KIF26B: variants seen among roughly 807,000 people sequenced by gnomAD.
KIF26B encodes the protein kinesin-like protein KIF26B.
Under a neutral mutation model 151.2 loss-of-function variants are expected in KIF26B, and 63 were observed. The observed-to-expected ratio is 0.42, with a 90% CI of 0.34 to 0.51. KIF26B has a LOEUF of 0.51. Ranked by LOEUF, KIF26B falls within the 20% of genes least tolerant of loss-of-function variation. The pLI is 0.07. For synonymous variants in KIF26B, 1,357 were observed against 1,262.1 expected (o/e 1.08, Z -1.59); for missense variants, 2,813 against 2,913.6 (o/e 0.97, Z 0.79).
intron 5 of KIF26B, among the ~76,000 whole-genome samples, chr1:245,546,630 C>A (rs1661748044): frequency 6.6e-6 from 1 of 152,214 alleles, no homozygotes; most frequent in Non-Finnish European, 1.5e-5. Context: ...AATTCTGGAT[C>A]CCACTGGATC....
At position 245,333,994 on chromosome 1, in the gene KIF26B, G is replaced by T. The variant is rs144264814; in HGVS notation, c.466-32840G>T. On this transcript the variant is annotated intron_variant, in intron 2 of 14. Coordinates refer to ENST00000407071, the MANE Select transcript of KIF26B (RefSeq NM_018012.4). Reference sequence around the variant, plus strand: ...AGCCTGGGCGACGGAGTGAGACTCCGTGTCAAAAAAAAAAAAATCTCCTCT... The same window carrying T: ...AGCCTGGGCGACGGAGTGAGACTCCTTGTCAAAAAAAAAAAAATCTCCTCT... Among the ~76,000 whole-genome samples the T allele has an allele frequency of 6.2e-4, 94 of 151,460 alleles. 1 individual carries two copies. Among genetic ancestry groups the T allele is most frequent in the African/African-American group, 2.2e-3 (89 of 41,222 alleles).
intron 2 of KIF26B, among the ~76,000 whole-genome samples, chr1:245,326,929 T>G (rs1572005229): frequency 6.6e-6 from 1 of 152,236 alleles, no homozygotes; most frequent in Admixed American, 6.5e-5. Context: ...TCTTCTTGCC[T>G]TCACATCCAT....
intron 9 of KIF26B, among the ~76,000 whole-genome samples, chr1:245,644,484 A>G (rs2043925778): frequency 6.6e-6 from 1 of 152,174 alleles, no homozygotes; most frequent in Non-Finnish European, 1.5e-5. Context: ...TCTCTTCATT[A>G]TGGGTTTCAT....
intron 10 of KIF26B, among the ~76,000 whole-genome samples, chr1:245,683,230 C>T (rs2044463211): frequency 6.6e-6 from 1 of 152,146 alleles, no homozygotes; most frequent in African/African-American, 2.4e-5. Context: ...GGTGATGAGA[C>T]ATGGACATGG....
At chr1:245,401,062 G>A (rs1325187066) in intron 3 of KIF26B, among the ~76,000 whole-genome samples, 1 of 152,136 alleles carries the variant, frequency 6.6e-6, no homozygotes, top group African/African-American at 2.4e-5. Context: ...CAAGTTCCCA[G>A]TTGAGATGAG....
chr1:245,295,901 C>T (rs1002366020), intron 2 of KIF26B, among the ~76,000 whole-genome samples: 2 of 152,258 alleles, frequency 1.3e-5, no homozygotes, highest in Non-Finnish European at 2.9e-5. Flanking sequence ...CCTGAATGGG[C>T]GTGAAACTGT....
chr1:245,195,362 C>G (rs931761251), intron 2 of KIF26B, among the ~76,000 whole-genome samples: 7 of 152,176 alleles, frequency 4.6e-5, no homozygotes, highest in African/African-American at 1.7e-4. Context: ...TGTTGCGCCT[C>G]AGTTCCACCG....
chr1:245,282,876 G>T, intron 2 of KIF26B: 1 of 255,378 alleles, frequency 3.9e-6, no homozygotes. Context: ...CTTATTGGCA[G>T]TCGGGCATAC....
At chr1:245,191,059 CAAAAAAAAAAAAAAA>C (rs55993346) in intron 2 of KIF26B, among the ~76,000 whole-genome samples, 1 of 52,054 alleles carries the variant, frequency 1.9e-5, no homozygotes, top group Admixed American at 3.7e-4. Context: ...GACTCTGTCT[CAAAAAAAAAAAAAAA>C]AAAAAAAAAA....
chr1:245,443,522 C>T lies in KIF26B; in HGVS notation c.1166+23777C>T, dbSNP rs145862497. 2.6e-3 allele frequency among the ~76,000 whole-genome samples: 262 copies of T among 101,816 alleles called. 17 individuals carry two copies. The highest frequency in any genetic ancestry group is 8.3e-3 in the African/African-American group (256 of 30,662). 66.8% of individuals were successfully genotyped at this position (101,816 alleles called of 152,430 possible). A position where few individuals can be genotyped will look rare whatever the true frequency, so the allele number is the denominator to read the frequency against. ...GTCATCTCCCTCACTGTTCATCCTG[C>T]GGTCATCTCCCTCACTGTTCACCTA... is the stretch of plus-strand genomic sequence containing the variant. On this transcript the variant is annotated intron_variant, in intron 4 of 14. Transcript: ENST00000407071.
chr1:245,210,609 A>C (rs562271463), intron 2 of KIF26B, among the ~76,000 whole-genome samples: 6 of 151,938 alleles, frequency 3.9e-5, no homozygotes, highest in Non-Finnish European at 5.9e-5. Flanking sequence ...TGAGTGAAAA[A>C]ATTTGTTTAA....
intron 4 of KIF26B, among the ~76,000 whole-genome samples, chr1:245,534,201 C>G (rs979150133): frequency 6.6e-6 from 1 of 151,910 alleles, no homozygotes; most frequent in African/African-American, 2.4e-5. Flanking sequence ...CTCGTGCTGT[C>G]CCCCAGGCTG....
intron 4 of KIF26B, among the ~76,000 whole-genome samples, chr1:245,507,132 G>T (rs1040556853): frequency 5.9e-5 from 9 of 152,206 alleles, no homozygotes; most frequent in African/African-American, 2.2e-4. Context: ...CAACATTTTG[G>T]TGAGGGAGGA....
chr1:245,424,277 C>T (rs138983318), intron 4 of KIF26B, among the ~76,000 whole-genome samples: 133 of 152,244 alleles, frequency 8.7e-4, no homozygotes, highest in African/African-American at 2.8e-3. Context: ...CTCAGCCTCC[C>T]GAGTAAGATT....
chr1:245,644,869 G>A (rs1434950940), intron 9 of KIF26B, among the ~76,000 whole-genome samples: 1 of 152,202 alleles, frequency 6.6e-6, no homozygotes, highest in Middle Eastern at 3.2e-3. Context: ...GATTTATAAA[G>A]AGGCTTATTC....
At chr1:245,204,848 A>G (rs1363955879) in intron 2 of KIF26B, among the ~76,000 whole-genome samples, 1 of 152,008 alleles carries the variant, frequency 6.6e-6, no homozygotes, top group South Asian at 2.1e-4. Context: ...TGGCAGAATC[A>G]TAGCTCACTG....
At chr1:245,204,328 T>C (rs1219608763) in intron 2 of KIF26B, among the ~76,000 whole-genome samples, 1 of 152,148 alleles carries the variant, frequency 6.6e-6, no homozygotes, top group Non-Finnish European at 1.5e-5. Context: ...CTCCAAACTG[T>C]ACTCATTTCA....
intron 2 of KIF26B, among the ~76,000 whole-genome samples, chr1:245,321,799 C>T (rs904062702): frequency 2.0e-5 from 3 of 152,188 alleles, no homozygotes; most frequent in Non-Finnish European, 4.4e-5. Context: ...TTCGCTCAGC[C>T]ATTCAACCCA....
intron 2 of KIF26B, among the ~76,000 whole-genome samples, chr1:245,301,385 A>G (rs903691489): frequency 9.2e-5 from 14 of 152,214 alleles, no homozygotes; most frequent in African/African-American, 3.4e-4. Flanking sequence ...CTTTGGGGTC[A>G]GAGCAGCTTT....
Sources: gnomAD v4.1 joint callset for allele counts (sites outside exome capture counted in the v4.1 genomes callset) on GRCh38, gnomAD v4.1.1 for gene constraint, MANE v1.5 for transcripts, NCBI Gene and HGNC (gene_info 2026-07-23, HGNC 2026-07-21) for gene names.